The following FRMD3 variants were observed in gnomAD, a reference collection of about 807,000 sequenced individuals.
The protein encoded by FRMD3 is FERM domain-containing protein 3.
In FRMD3, 33 loss-of-function variants were observed where a neutral mutation model predicts 70.2. The observed-to-expected ratio is 0.47, with a 90% confidence interval of 0.36 to 0.63. The LOEUF is 0.63. Ranked by LOEUF, FRMD3 falls within the 20% of genes least tolerant of loss-of-function variation. FRMD3 has a pLI of 0.00. For missense variants in FRMD3, 632 were observed against 711.4 expected (o/e 0.89, Z 1.27); for synonymous variants, 279 against 255.9 (o/e 1.09, Z -0.86).
At chr9:83,565,250 A>C in the FRMD3 span, among the ~76,000 whole-genome samples, 18,747 of 152,058 alleles carry the variant, frequency 0.12, 1,738 homozygotes, top group African/African-American at 0.26. Context: ...ACATAGGGAG[A>C]CACTCCTGTC....
upstream of FRMD3, among the ~76,000 whole-genome samples, chr9:83,541,811 C>T (rs1314760852): frequency 1.3e-5 from 2 of 152,196 alleles, no homozygotes; most frequent in East Asian, 1.9e-4. Flanking sequence ...CCAACTAGGA[C>T]TCAATTTGAT....
At chr9:83,301,469 ATG>A (rs1564003770) in intron 10 of FRMD3, among the ~76,000 whole-genome samples, 1 of 151,220 alleles carries the variant, frequency 6.6e-6, no homozygotes, top group Non-Finnish European at 1.5e-5. Flanking sequence ...TTTATTGTGT[ATG>A]TGTTTTTTTT....
In FRMD3 at chr9:83,368,742, G is replaced by T. The variant is rs1291071413; in HGVS notation, c.295+4171C>A. Among the ~76,000 whole-genome samples, 5 of 152,242 alleles carry T rather than the reference G, an allele frequency of 3.3e-5. No homozygotes were observed. The East Asian group carries it at 9.6e-4, about 29-fold the overall frequency. ...TCAGATTGTGTCACTTGTGTCATTA[G>T]ATTTTTTGTAACATTTTGTGTCATT... On this transcript the variant is annotated intron_variant, in intron 3 of 13. Coordinates refer to ENST00000304195, the MANE Select transcript of FRMD3 (RefSeq NM_174938.6).
chr9:83,479,230 T>C lies in FRMD3; in HGVS notation c.147+58855A>G, dbSNP rs556336983. On this transcript the variant is annotated intron_variant, in intron 1 of 13. Transcript: ENST00000304195. ...TTTAGGAGAATGAGGTGAGAGGATC[T>C]CTTGAAACCAGGAGTTTAAGACCAG... Among the ~76,000 whole-genome samples, 5 of 151,402 alleles carry C rather than the reference T, an allele frequency of 3.3e-5. No individual in the cohort carries two copies. The South Asian group carries it at 1.0e-3, about 32-fold the overall frequency.
At chr9:83,312,813 T>C (rs776999744) in intron 7 of FRMD3, among the ~76,000 whole-genome samples, 1 of 149,080 alleles carries the variant, frequency 6.7e-6, no homozygotes, top group Non-Finnish European at 1.5e-5. Flanking sequence ...TGGTGTGGGA[T>C]GTGTTCTGGT....
intron 1 of FRMD3, among the ~76,000 whole-genome samples, chr9:83,452,505 G>A (rs901826004): frequency 5.9e-5 from 9 of 151,852 alleles, no homozygotes; most frequent in South Asian, 2.1e-4. Context: ...TTTTTGAGAC[G>A]GAGTCTCGCT....
At chr9:83,336,395 G>A (rs139362947) in intron 5 of FRMD3, among the ~76,000 whole-genome samples, 2,371 of 151,176 alleles carry the variant, frequency 0.016, 23 homozygotes, top group Non-Finnish European at 0.027. Flanking sequence ...AGGATAGGAG[G>A]TGGTACCACC....
chr9:83,567,230 G>A, the FRMD3 span, among the ~76,000 whole-genome samples: 892 of 152,308 alleles, frequency 5.9e-3, 13 homozygotes, highest in African/African-American at 0.02. Flanking sequence ...AGAGCTAAAT[G>A]TTGGCCCCTT....
intron 1 of FRMD3, among the ~76,000 whole-genome samples, chr9:83,415,298 G>C (rs927608939): frequency 1.3e-5 from 2 of 152,206 alleles, no homozygotes; most frequent in Non-Finnish European, 2.9e-5. Context: ...AGAAGGCAGA[G>C]AGTGGCTCTG....
chr9:83,244,757 T>G lies in FRMD3; in HGVS notation c.*3161A>C. On this transcript the variant is annotated 3_prime_UTR_variant, in exon 14 of 14. Coordinates refer to ENST00000304195, the MANE Select transcript of FRMD3 (RefSeq NM_174938.6). ...ATCACAGTAACATGGCCCCCATATCTCTAGTATTTCAATGAAATAAACTCA... is the reference window on the plus strand; with the variant it reads ...ATCACAGTAACATGGCCCCCATATCGCTAGTATTTCAATGAAATAAACTCA... The G allele has an allele frequency of 1.0e-6, 1 of 985,310 alleles. No homozygotes were observed. The highest frequency in any genetic ancestry group is 1.2e-6 in the Non-Finnish European group (1 of 829,838). 61.0% of individuals were successfully genotyped at this position (985,310 alleles called of 1,614,324 possible).
chr9:83,467,237 C>A (rs1252078102), intron 1 of FRMD3, among the ~76,000 whole-genome samples: 1 of 152,154 alleles, frequency 6.6e-6, no homozygotes, highest in Non-Finnish European at 1.5e-5. Context: ...ATTGTCTGGC[C>A]AATTTTAAAT....
At chr9:83,252,845 G>T (rs894931436) in intron 13 of FRMD3, among the ~76,000 whole-genome samples, 7 of 152,134 alleles carry the variant, frequency 4.6e-5, no homozygotes, top group African/African-American at 1.7e-4. Flanking sequence ...CAATACAGGA[G>T]CACCCAGATT....
chr9:83,506,769 GCTTTTTAA>G (rs1214569951), intron 1 of FRMD3, among the ~76,000 whole-genome samples: 1 of 152,034 alleles, frequency 6.6e-6, no homozygotes, highest in Non-Finnish European at 1.5e-5. Flanking sequence ...TACTTTATAA[GCTTTTTAA>G]CTTTTTAACT....
intron 1 of FRMD3, among the ~76,000 whole-genome samples, chr9:83,393,003 G>A (rs1047047284): frequency 1.4e-4 from 22 of 152,348 alleles, no homozygotes; most frequent in Admixed American, 3.9e-4. Context: ...TTTAATACAT[G>A]TGAAAAGTAG....
At chr9:83,244,286 C>G (rs565017880), downstream of FRMD3, among the ~76,000 whole-genome samples, 1 of 152,164 alleles carries the variant, frequency 6.6e-6, no homozygotes, top group Non-Finnish European at 1.5e-5. Flanking sequence ...ATATTAATTT[C>G]TAGCACTCTG....
intron 1 of FRMD3, among the ~76,000 whole-genome samples, chr9:83,454,649 C>T (rs907027795): frequency 6.6e-6 from 1 of 152,132 alleles, no homozygotes; most frequent in African/African-American, 2.4e-5. Context: ...TTTTTTCTTA[C>T]CCACCAGAAA....
Position 83,536,930 on chromosome 9 carries a change from T to TAAAAAAAAAAAAA in FRMD3, c.147+1142_147+1154dup, listed in dbSNP as rs142272516. On this transcript the variant is annotated intron_variant, in intron 1 of 13. Transcript: ENST00000304195. ...ATGGGTGGTGTGCCCTGTATTACAC[T>TAAAAAAAAAAAAA]AAAAAAAAAAAAAAAAAAAAAAAGC... 6.0e-3 allele frequency among the ~76,000 whole-genome samples: 367 copies of TAAAAAAAAAAAAA among 60,870 alleles called. 47 individuals carry two copies. Among genetic ancestry groups the TAAAAAAAAAAAAA allele is most frequent in the African/African-American group, 0.015 (247 of 16,400 alleles). 39.9% of individuals were successfully genotyped at this position (60,870 alleles called of 152,430 possible). A position where few individuals can be genotyped will look rare whatever the true frequency, so the allele number is the denominator to read the frequency against.
chr9:83,333,553 C>T (rs1823467498), intron 6 of FRMD3, among the ~76,000 whole-genome samples: 1 of 152,198 alleles, frequency 6.6e-6, no homozygotes, highest in African/African-American at 2.4e-5. Flanking sequence ...TTGTGGATCA[C>T]CAAGTCTGGC....
At chr9:83,385,988 G>T (rs919856463) in intron 2 of FRMD3, among the ~76,000 whole-genome samples, 4 of 152,034 alleles carry the variant, frequency 2.6e-5, no homozygotes, top group African/African-American at 7.2e-5. Context: ...CATAATAATT[G>T]TAAGAATAAT....
Sources: gnomAD v4.1 joint callset for allele counts (sites outside exome capture counted in the v4.1 genomes callset) on GRCh38, gnomAD v4.1.1 for gene constraint, MANE v1.5 for transcripts, NCBI Gene and HGNC (gene_info 2026-07-23, HGNC 2026-07-21) for gene names.